ZFHX4: variants seen among roughly 807,000 people sequenced by gnomAD.
ZFHX4 encodes the protein zinc finger homeobox 4.
A neutral mutation model predicts 267.6 loss-of-function variants in ZFHX4; 56 were observed. The ratio of observed to expected loss-of-function variants is 0.21; its 90% CI spans 0.17 to 0.26. The LOEUF (loss-of-function observed/expected upper bound fraction) is 0.26, where lower values mean the gene tolerates loss of function less well. ZFHX4 is among the 10% of genes least tolerant of loss of function. The probability of loss-of-function intolerance (pLI) is 1.00; values close to 1 mark genes in which losing one functional copy is unlikely to be tolerated. For missense variants in ZFHX4, 4,332 were observed against 4,420.0 expected (o/e 0.98, Z 0.56); for synonymous variants, 1,778 against 1,665.6 (o/e 1.07, Z -1.64).
At position 76,743,159 on chromosome 8, in the gene ZFHX4, A is replaced by G. The variant is rs897911054; in HGVS notation, c.3094-35049A>G. 3.3e-5 allele frequency among the ~76,000 whole-genome samples: 5 copies of G among 152,308 alleles called. 1 individual carries two copies. Among genetic ancestry groups the G allele is most frequent in the Admixed American group, 3.3e-4 (5 of 15,294 alleles). On this transcript the variant is annotated intron_variant, in intron 3 of 10. Coordinates refer to ENST00000651372, the MANE Select transcript of ZFHX4 (RefSeq NM_024721.5). ...GAAGTTGAAAGAATTAAGAGTAGAGAGTTTGCCACTAACACAGCCACAGAT... is the reference window on the plus strand; with the variant it reads ...GAAGTTGAAAGAATTAAGAGTAGAGGGTTTGCCACTAACACAGCCACAGAT...
At chr8:76,780,081 G>A (rs1046063160) in intron 4 of ZFHX4, among the ~76,000 whole-genome samples, 16 of 151,810 alleles carry the variant, frequency 1.1e-4, no homozygotes, top group Non-Finnish European at 1.9e-4. Flanking sequence ...CAAAAGCATG[G>A]TAACCCATCA....
At chr8:76,682,032 T>C (rs190580216) in intron 1 of ZFHX4, among the ~76,000 whole-genome samples, 2,198 of 152,260 alleles carry the variant, frequency 0.014, 23 homozygotes, top group Non-Finnish European at 0.022. Flanking sequence ...GGGTTTTGCC[T>C]TCCCCGCGAG....
At chr8:76,724,146 G>C (rs936201340) in intron 3 of ZFHX4, among the ~76,000 whole-genome samples, 22 of 152,076 alleles carry the variant, frequency 1.4e-4, no homozygotes, top group African/African-American at 5.3e-4. Context: ...TGAACCTGTT[G>C]TAAGTTTTAA....
chr8:76,792,685 T>C (rs1021378315), intron 4 of ZFHX4, among the ~76,000 whole-genome samples: 2 of 152,150 alleles, frequency 1.3e-5, no homozygotes, highest in Admixed American at 1.3e-4. Flanking sequence ...CTTCACAACA[T>C]TTTAGGAGCA....
chr8:76,820,745 C>T (rs1186952147), intron 4 of ZFHX4, among the ~76,000 whole-genome samples: 1 of 152,140 alleles, frequency 6.6e-6, no homozygotes, highest in Non-Finnish European at 1.5e-5. Context: ...GGATTTTCAT[C>T]TTTGTTGATA....
Position 76,852,717 on chromosome 8 carries a change from G to A in ZFHX4, c.5796G>A (p.Gln1932=). 1 of 1,613,924 alleles carries A rather than the reference G, an allele frequency of 6.2e-7. No homozygotes were observed. Among genetic ancestry groups the A allele is most frequent in the Non-Finnish European group, 8.5e-7 (1 of 1,179,868 alleles). The part of the protein sequence containing the change: ...IQYNENRQKV[Q]KKGKSGEGEN... ...ATAACGAAAACAGGCAGAAGGTACA[G>A]AAGAAGGGCAAAAGTGGTGAAGGCG... The change falls in exon 10 of 11, where the codon CAG becomes CAA. Residue 1932 remains glutamine (Q), a synonymous_variant. Transcript: ENST00000651372.
intron 3 of ZFHX4, among the ~76,000 whole-genome samples, chr8:76,772,670 T>C (rs1038659025): frequency 6.6e-5 from 10 of 152,124 alleles, no homozygotes; most frequent in African/African-American, 2.4e-4. Flanking sequence ...AGGTTAATCT[T>C]ATCTCAGCCC....
chr8:76,789,042 T>C (rs1463773271), intron 4 of ZFHX4, among the ~76,000 whole-genome samples: 1 of 152,226 alleles, frequency 6.6e-6, no homozygotes, highest in Non-Finnish European at 1.5e-5. Context: ...CATTATATGG[T>C]AGACAAAGAA....
intron 10 of ZFHX4, among the ~76,000 whole-genome samples, chr8:76,861,295 C>A (rs1812860120): frequency 6.6e-6 from 1 of 152,082 alleles, no homozygotes; most frequent in African/African-American, 2.4e-5. Context: ...TTCAGTTAAA[C>A]CAGAAGATAA....
At position 76,797,882 on chromosome 8, in the gene ZFHX4, C is replaced by CTG. The variant is rs755674519; in HGVS notation, c.3325+19445_3325+19446dup. Among the ~76,000 whole-genome samples the CTG allele has an allele frequency of 2.2e-5, 3 of 135,682 alleles. No individual in the cohort carries two copies. In the East Asian group the frequency reaches 7.8e-4, roughly 35 times the overall value. 89.0% of individuals were successfully genotyped at this position (135,682 alleles called of 152,430 possible). On this transcript the variant is annotated intron_variant, in intron 4 of 10. Transcript: ENST00000651372. Reference sequence around the variant, plus strand: ...ATTTGTGGAGTTTTGGGGTGTGTGTCTGTATGTGTGTGTGTGTGTGTGTGT... The same window carrying CTG: ...ATTTGTGGAGTTTTGGGGTGTGTGTCTGTGTATGTGTGTGTGTGTGTGTGTGT...
intron 4 of ZFHX4, among the ~76,000 whole-genome samples, chr8:76,790,991 G>A (rs575207128): frequency 6.6e-6 from 1 of 152,128 alleles, no homozygotes; most frequent in East Asian, 1.9e-4. Flanking sequence ...TTTTCTTCTT[G>A]GTAGATTGTT....
At chr8:76,726,153 A>G (rs1229099220) in intron 3 of ZFHX4, among the ~76,000 whole-genome samples, 1 of 152,086 alleles carries the variant, frequency 6.6e-6, no homozygotes, top group East Asian at 1.9e-4. Flanking sequence ...TTTTTAAATA[A>G]GTTTTTTTTT....
chr8:76,697,807 A>G (rs1865294), intron 1 of ZFHX4, among the ~76,000 whole-genome samples: 48,733 of 151,818 alleles, frequency 0.32, 11,641 homozygotes, highest in African/African-American at 0.67. Context: ...TATTTTTTTA[A>G]GGAAGAAAAA....
intron 3 of ZFHX4, among the ~76,000 whole-genome samples, chr8:76,725,280 A>G (rs1412076527): frequency 6.6e-6 from 1 of 152,178 alleles, no homozygotes; most frequent in East Asian, 1.9e-4. Flanking sequence ...TGGAAAAGTT[A>G]TCGTATTTAA....
At chr8:76,808,081 A>C (rs542762776) in intron 4 of ZFHX4, among the ~76,000 whole-genome samples, 7 of 152,126 alleles carry the variant, frequency 4.6e-5, no homozygotes, top group Non-Finnish European at 8.8e-5. Context: ...TAGGAAATAT[A>C]ATTATTGTCT....
intron 1 of ZFHX4, among the ~76,000 whole-genome samples, chr8:76,688,919 A>G (rs1807758035): frequency 6.6e-6 from 1 of 152,208 alleles, no homozygotes; most frequent in African/African-American, 2.4e-5. Context: ...TTGAGGTACT[A>G]TTAAGATGGT....
At chr8:76,744,441 C>T (rs1323053175) in intron 3 of ZFHX4, among the ~76,000 whole-genome samples, 3 of 152,104 alleles carry the variant, frequency 2.0e-5, no homozygotes, top group African/African-American at 7.2e-5. Flanking sequence ...TTGAGACAGT[C>T]TCGCTCTGTC....
chr8:76,682,454 C>A (rs1458004498), intron 1 of ZFHX4: 1 of 151,952 alleles, frequency 6.6e-6, no homozygotes, highest in South Asian at 2.1e-4. Context: ...GCGCGGCAGG[C>A]ACTACCGAGG....
intron 3 of ZFHX4, among the ~76,000 whole-genome samples, chr8:76,711,516 C>A (rs1331167577): frequency 6.6e-6 from 1 of 152,118 alleles, no homozygotes; most frequent in Non-Finnish European, 1.5e-5. Context: ...TTTCAGCTAA[C>A]CCATTTATTA....
Sources: allele counts gnomAD v4.1 joint callset (sites outside exome capture counted in the v4.1 genomes callset), GRCh38; gene constraint gnomAD v4.1.1; transcripts MANE v1.5; gene names NCBI Gene and HGNC (gene_info 2026-07-23, HGNC 2026-07-21).